Variants in APP observed in about 807,000 individuals in gnomAD.
APP encodes the protein amyloid beta precursor protein.
In APP, 31 loss-of-function variants were observed where a neutral mutation model predicts 101.4. The observed-to-expected ratio is 0.31, with a 90% CI of 0.23 to 0.41. The LOEUF (loss-of-function observed/expected upper bound fraction) is 0.41. Among genes scored for constraint, APP ranks in the 10% least tolerant of loss-of-function variants. APP has a pLI of 1.00. For synonymous variants in APP, 366 were observed against 364.4 expected (o/e 1.00, Z -0.05); for missense variants, 839 against 1,003.7 (o/e 0.84, Z 2.22).
chr21:26,027,954 C>T (rs774981726), intron 5 of APP, among the ~76,000 whole-genome samples: 9 of 151,768 alleles, frequency 5.9e-5, no homozygotes, highest in Non-Finnish European at 8.8e-5. Flanking sequence ...CAGCACGTTG[C>T]GGGGCCGAGG....
chr21:26,166,003 G>A (rs1440930490), intron 1 of APP, among the ~76,000 whole-genome samples: 2 of 152,096 alleles, frequency 1.3e-5, no homozygotes, highest in Admixed American at 6.6e-5. Flanking sequence ...TACCACTCAA[G>A]CATAATAATA....
chr21:25,972,348 TA>T (rs1311207610), intron 11 of APP, among the ~76,000 whole-genome samples: 2 of 152,178 alleles, frequency 1.3e-5, no homozygotes, highest in Non-Finnish European at 1.5e-5. Flanking sequence ...AAAGACATGT[TA>T]TTTTTAGAGA....
At chr21:25,908,724 T>C (rs2038914329) in intron 14 of APP, among the ~76,000 whole-genome samples, 1 of 151,158 alleles carries the variant, frequency 6.6e-6, no homozygotes, top group African/African-American at 2.4e-5. Context: ...TGACATTTAC[T>C]ACGTTCCAGG....
chr21:26,001,763 T>A (rs144853978), intron 6 of APP, among the ~76,000 whole-genome samples: 1 of 126,228 alleles, frequency 7.9e-6, no homozygotes, highest in Non-Finnish European at 1.6e-5. Context: ...CCTCTCTAAG[T>A]GCTGGGATTA....
intron 9 of APP, among the ~76,000 whole-genome samples, chr21:25,977,625 A>G (rs1485015095): frequency 2.0e-5 from 3 of 152,254 alleles, no homozygotes; most frequent in African/African-American, 4.8e-5. Flanking sequence ...ATGATAGGCA[A>G]TTAGCTTCTT....
At chr21:25,977,966 C>G (rs1311401992) in intron 9 of APP, among the ~76,000 whole-genome samples, 3 of 152,182 alleles carry the variant, frequency 2.0e-5, no homozygotes, top group African/African-American at 7.2e-5. Context: ...ATTCTTCAAG[C>G]AAGGAATCTC....
chr21:25,892,957 AAAAAC>A (rs1270608253), intron 16 of APP, among the ~76,000 whole-genome samples: 6 of 102,098 alleles, frequency 5.9e-5, no homozygotes, highest in Non-Finnish European at 8.0e-5. Flanking sequence ...TTTAAAAAAA[AAAAAC>A]AAAAAGGTTT....
chr21:26,090,607 G>T (rs2061803089), intron 2 of APP, among the ~76,000 whole-genome samples: 1 of 152,164 alleles, frequency 6.6e-6, no homozygotes, highest in Admixed American at 6.5e-5. Flanking sequence ...GGGAAAGGAG[G>T]ATTCTTACAA....
chr21:26,027,394 A>C (rs2044626930), intron 5 of APP, among the ~76,000 whole-genome samples: 1 of 152,252 alleles, frequency 6.6e-6, no homozygotes, highest in Non-Finnish European at 1.5e-5. Context: ...GCCAGAGTCT[A>C]AACTGGAAGG....
chr21:25,975,907 A>C, intron 10 of APP, 47 bp downstream of exon 10: 1 of 1,495,526 alleles, frequency 6.7e-7, no homozygotes, highest in Non-Finnish European at 9.3e-7. Flanking sequence ...CTCATTAAAA[A>C]GACTGCTGGC....
In APP at chr21:25,934,091, G is replaced by A. The variant is rs45553039; in HGVS notation, c.1687+20499C>T. 2.3e-3 allele frequency: 352 copies of A among 152,214 alleles called. 11 individuals carry two copies. The East Asian group carries it at 0.058, about 25-fold the overall frequency. The allele number at this position is 152,214 out of a possible 1,614,324, so 9.4% of individuals were successfully genotyped here. ...AGAAGACACAGAAACAGAGACATGGGGAGTAACACCATGTGAAGACAGAGG... is the reference window on the plus strand; with the variant it reads ...AGAAGACACAGAAACAGAGACATGGAGAGTAACACCATGTGAAGACAGAGG... On this transcript the variant is annotated intron_variant, in intron 13 of 17. Coordinates refer to ENST00000346798, the MANE Select transcript of APP (RefSeq NM_000484.4).
chr21:26,155,786 G>C (rs1369222062), intron 1 of APP, among the ~76,000 whole-genome samples: 1 of 152,136 alleles, frequency 6.6e-6, no homozygotes, highest in African/African-American at 2.4e-5. Flanking sequence ...ATGAGGTCAG[G>C]AGATCAAGAC....
At position 25,955,674 on chromosome 21, in the gene APP, G is replaced by A; in HGVS notation, c.1540C>T (p.His514Tyr). Residue 514 changes from histidine (H) to tyrosine (Y), a missense_variant, in exon 12 of 18, where the codon CAT (histidine) becomes TAT (tyrosine). Coordinates refer to ENST00000346798, the MANE Select transcript of APP (RefSeq NM_000484.4). ...TTCTTGGGATCCACCATGCGCACAT[G>A]CTCGAAATGCTTTAGGGTGTGCTGT... ...DRQHTLKHFE[H>Y]VRMVDPKKAA... 1.2e-6 allele frequency: 2 copies of A among 1,614,168 alleles called. No individual in the cohort carries two copies. Among genetic ancestry groups the A allele is most frequent in the Non-Finnish European group, 1.7e-6 (2 of 1,180,030 alleles).
chr21:26,117,698 T>C (rs1052627208), intron 1 of APP, among the ~76,000 whole-genome samples: 1 of 152,182 alleles, frequency 6.6e-6, no homozygotes, highest in African/African-American at 2.4e-5. Context: ...CATGTATTTG[T>C]GGTGAGCAAA....
At chr21:25,914,795 C>T (rs536769955) in intron 13 of APP, among the ~76,000 whole-genome samples, 3 of 152,240 alleles carry the variant, frequency 2.0e-5, no homozygotes, top group South Asian at 4.1e-4. Context: ...CTTCGTGATC[C>T]GCCCGCCTCG....
intron 1 of APP, among the ~76,000 whole-genome samples, chr21:26,158,561 CA>C (rs1189134891): frequency 6.6e-6 from 1 of 152,202 alleles, no homozygotes; most frequent in African/African-American, 2.4e-5. Flanking sequence ...AGGACTTCTA[CA>C]AAAGCTCCTA....
chr21:25,972,773 C>A (rs1279440420), intron 11 of APP, among the ~76,000 whole-genome samples: 3 of 151,852 alleles, frequency 2.0e-5, no homozygotes, highest in African/African-American at 7.2e-5. Flanking sequence ...AAAGAGTTTA[C>A]AGCACCCAAA....
rs1009007079 is a variant in APP at position 25,886,065 on chromosome 21, G to A, written c.2212-4294C>T. 4.6e-5 allele frequency among the ~76,000 whole-genome samples: 7 copies of A among 151,974 alleles called. 1 individual carries two copies. The highest frequency in any genetic ancestry group is 1.7e-4 in the African/African-American group (7 of 41,402). On this transcript the variant is annotated intron_variant, in intron 17 of 17. Transcript: ENST00000346798. ...TACAAGGGACTGAGTCAGGCCAAAC[G>A]ACAGAATCCTGTCATTGAGATGGAC...
At chr21:25,885,218 A>G (rs753380180) in intron 17 of APP, among the ~76,000 whole-genome samples, 8 of 152,180 alleles carry the variant, frequency 5.3e-5, no homozygotes, top group Non-Finnish European at 8.8e-5. Context: ...CTGAGTACTC[A>G]TGTCTATGGA....
Sources: gnomAD v4.1 joint callset for allele counts (sites outside exome capture counted in the v4.1 genomes callset) on GRCh38, gnomAD v4.1.1 for gene constraint, MANE v1.5 for transcripts, NCBI Gene and HGNC (gene_info 2026-07-23, HGNC 2026-07-21) for gene names.